The following MMP16 variants were observed in gnomAD, a reference collection of about 807,000 sequenced individuals.
MMP16 encodes matrix metalloproteinase-16.
In MMP16, 12 loss-of-function variants were observed where a neutral mutation model predicts 67.8. That is an observed-to-expected ratio of 0.18 (90% CI 0.11 to 0.29). MMP16 has a LOEUF of 0.29. Among genes scored for constraint, MMP16 ranks in the 10% least tolerant of loss-of-function variants. MMP16 has a pLI of 1.00. For synonymous variants in MMP16, 249 were observed against 255.9 expected (o/e 0.97, Z 0.26); for missense variants, 475 against 765.7 (o/e 0.62, Z 4.48).
chr8:88,281,395 A>G (rs948604839), intron 1 of MMP16, among the ~76,000 whole-genome samples: 2 of 152,212 alleles, frequency 1.3e-5, no homozygotes, highest in African/African-American at 2.4e-5. Context: ...TCTTCATCAA[A>G]ACATCAGTGG....
intron 3 of MMP16, among the ~76,000 whole-genome samples, chr8:88,180,448 G>A (rs1452964738): frequency 1.3e-5 from 2 of 151,542 alleles, no homozygotes; most frequent in African/African-American, 4.9e-5. Flanking sequence ...TATGGAGAAA[G>A]ATATATTATC....
chr8:88,094,325 A>G (rs773448722), intron 6 of MMP16, among the ~76,000 whole-genome samples: 2 of 151,776 alleles, frequency 1.3e-5, no homozygotes, highest in African/African-American at 2.4e-5. Context: ...ACTAACTTAT[A>G]AAGAAATTAT....
rs139024628 is a variant in MMP16 at position 88,234,881 on chromosome 8, C to G, written c.133-37575G>C. ...ATAATAATAAGTTTACAACATTACCCAAGTTACAGCCTGTGGGTAAATGTA... is the reference window on the plus strand; with the variant it reads ...ATAATAATAAGTTTACAACATTACCGAAGTTACAGCCTGTGGGTAAATGTA... On this transcript the variant is annotated intron_variant, in intron 1 of 9. Transcript: ENST00000286614. Among the ~76,000 whole-genome samples, 32 of 152,256 alleles carry G rather than the reference C, an allele frequency of 2.1e-4. 2 individuals carry two copies. Among genetic ancestry groups the G allele is most frequent in the Middle Eastern group, 3.4e-3 (1 of 294 alleles).
Position 88,162,334 on chromosome 8 carries a change from A to G in MMP16, c.709+5335T>C, listed in dbSNP as rs6995482. On this transcript the variant is annotated intron_variant, in intron 4 of 9. Coordinates refer to ENST00000286614, the MANE Select transcript of MMP16 (RefSeq NM_005941.5). ...GAAGCTCATTCCAGGAAAAAAGGAA[A>G]AAAGTCATGTTTTTAAGAACAAACA... is the stretch of plus-strand genomic sequence containing the variant. 8.4e-3 allele frequency among the ~76,000 whole-genome samples: 1,276 copies of G among 152,178 alleles called. 15 individuals carry two copies. The highest frequency in any genetic ancestry group is 0.029 in the African/African-American group (1,185 of 41,554).
intron 7 of MMP16, among the ~76,000 whole-genome samples, chr8:88,059,192 T>C (rs1808366527): frequency 6.6e-6 from 1 of 152,054 alleles, no homozygotes; most frequent in Non-Finnish European, 1.5e-5. Flanking sequence ...TTAGGATGTG[T>C]TGAGATTATC....
At chr8:88,300,481 CTT>C (rs1396816614) in intron 1 of MMP16, among the ~76,000 whole-genome samples, 2 of 152,182 alleles carry the variant, frequency 1.3e-5, no homozygotes, top group Non-Finnish European at 2.9e-5. Flanking sequence ...ACAACCTGCT[CTT>C]GAGTCACTTA....
chr8:88,042,312 T>C (rs1462390309), intron 9 of MMP16, among the ~76,000 whole-genome samples: 1 of 152,178 alleles, frequency 6.6e-6, no homozygotes, highest in African/African-American at 2.4e-5. Flanking sequence ...ATCAGGAATC[T>C]GTGCTCCTTC....
chr8:88,086,822 T>C (rs923909936), intron 6 of MMP16, among the ~76,000 whole-genome samples: 2 of 151,924 alleles, frequency 1.3e-5, no homozygotes, highest in African/African-American at 2.4e-5. Flanking sequence ...ACAATATCCA[T>C]TGTTCTCTGA....
chr8:88,041,546 A>C lies in MMP16; in HGVS notation c.1739T>G (p.Leu580Trp). 1 of 1,614,186 alleles carries C rather than the reference A, an allele frequency of 6.2e-7. No individual in the cohort carries two copies. Among genetic ancestry groups the C allele is most frequent in the East Asian group, 2.2e-5 (1 of 44,880 alleles). The change falls in exon 10 of 10, where the codon TTG (leucine) becomes TGG (tryptophan). Residue 580 changes from leucine to tryptophan, a missense_variant. Coordinates refer to ENST00000286614, the MANE Select transcript of MMP16 (RefSeq NM_005941.5). The surrounding 1 kb of genome is among the most constrained non-coding windows in gnomAD (Gnocchi z 6.0). ...CTTGAACTGGAACACAGTGTAAACC[A>C]ATACAAGGAGGCATAAGGCCAAGAT... ...PCILALCLLV[L>W]VYTVFQFKRK...
chr8:88,209,957 G>A (rs1374974400), intron 1 of MMP16, among the ~76,000 whole-genome samples: 2 of 152,074 alleles, frequency 1.3e-5, no homozygotes, highest in African/African-American at 4.8e-5. Context: ...GGGCCTTTGG[G>A]AGGGTAATTA....
chr8:88,127,307 G>A (rs1443968254), intron 4 of MMP16, among the ~76,000 whole-genome samples: 1 of 151,766 alleles, frequency 6.6e-6, no homozygotes, highest in Non-Finnish European at 1.5e-5. Context: ...GCCTCAGTAT[G>A]CAAATATGAT....
intron 6 of MMP16, among the ~76,000 whole-genome samples, chr8:88,087,909 G>A (rs201443225): frequency 1.3e-4 from 19 of 149,986 alleles, no homozygotes; most frequent in East Asian, 3.9e-4. Context: ...GTGGTACTGC[G>A]CTACAGCCTA....
intron 4 of MMP16, among the ~76,000 whole-genome samples, chr8:88,126,405 T>G (rs889373693): frequency 3.9e-5 from 6 of 151,906 alleles, no homozygotes; most frequent in Non-Finnish European, 2.9e-5. Flanking sequence ...ATTATGGAAT[T>G]ATTTTTGCCC....
chr8:88,320,530 C>A (rs927793473), intron 1 of MMP16, among the ~76,000 whole-genome samples: 1 of 151,956 alleles, frequency 6.6e-6, no homozygotes, highest in African/African-American at 2.4e-5. Context: ...AACATTTTTC[C>A]CTAAAGTGCT....
At chr8:88,274,788 T>C (rs1469032199) in intron 1 of MMP16, among the ~76,000 whole-genome samples, 1 of 151,704 alleles carries the variant, frequency 6.6e-6, no homozygotes, top group South Asian at 2.1e-4. Context: ...TAAAATAATA[T>C]CAAAAAAGAG....
At chr8:88,099,770 T>C (rs940736153) in intron 6 of MMP16, among the ~76,000 whole-genome samples, 4 of 151,960 alleles carry the variant, frequency 2.6e-5, no homozygotes, top group Non-Finnish European at 5.9e-5. Context: ...CATTTCCCGA[T>C]TTTAATGACC....
intron 1 of MMP16, among the ~76,000 whole-genome samples, chr8:88,249,687 C>A (rs1375183783): frequency 6.6e-6 from 1 of 152,068 alleles, no homozygotes; most frequent in Non-Finnish European, 1.5e-5. Context: ...TGAGCAAACA[C>A]CTCCTCCAGA....
Position 88,181,219 on chromosome 8 carries a change from A to T in MMP16, c.404+5257T>A, listed in dbSNP as rs1013960348. ...ACAATAAAAAGAAAAGAAAAGAGACAGATTAGGAAGAAAAAAATACATACA... is the reference window on the plus strand; with the variant it reads ...ACAATAAAAAGAAAAGAAAAGAGACTGATTAGGAAGAAAAAAATACATACA... On this transcript the variant is annotated intron_variant, in intron 3 of 9. Coordinates refer to ENST00000286614, the MANE Select transcript of MMP16 (RefSeq NM_005941.5). 2.6e-5 allele frequency among the ~76,000 whole-genome samples: 4 copies of T among 152,216 alleles called. No homozygotes were observed. In the South Asian group the frequency reaches 8.3e-4, roughly 32 times the overall value.
chr8:88,290,561 A>C (rs567934177), intron 1 of MMP16, among the ~76,000 whole-genome samples: 1 of 152,196 alleles, frequency 6.6e-6, no homozygotes, highest in East Asian at 1.9e-4. Context: ...TCAAAAAAAA[A>C]AAATTGACCT....
Sources: allele counts gnomAD v4.1 joint callset (sites outside exome capture counted in the v4.1 genomes callset), GRCh38; gene constraint gnomAD v4.1.1; non-coding constraint Gnocchi (gnomAD v3.1); transcripts MANE v1.5; gene names NCBI Gene and HGNC (gene_info 2026-07-23, HGNC 2026-07-21).